The following ARHGAP21 variants were observed in gnomAD, a reference collection of about 807,000 sequenced individuals.
ARHGAP21 encodes the protein Rho GTPase activating protein 21, also known as rho GTPase-activating protein 21.
In ARHGAP21, 38 loss-of-function variants were observed where a neutral mutation model predicts 164.6. The ratio of observed to expected loss-of-function variants is 0.23; its 90% confidence interval spans 0.18 to 0.30. The LOEUF is 0.30. Among genes scored for constraint, ARHGAP21 ranks in the 10% least tolerant of loss-of-function variants. The probability of loss-of-function intolerance (pLI) is 1.00; values close to 1 mark genes in which losing one functional copy is unlikely to be tolerated. For missense variants in ARHGAP21, 1,822 were observed against 2,370.7 expected (o/e 0.77, Z 4.81); for synonymous variants, 766 against 857.9 (o/e 0.89, Z 1.87).
At chr10:24,608,038 C>A in intron 9 of ARHGAP21, 135 bp from the exon 10 acceptor site, 1 of 676,360 alleles carries the variant, frequency 1.5e-6, no homozygotes, top group Non-Finnish European at 2.3e-6. Context: ...ACTAAATGAC[C>A]TATTCAGTCT....
chr10:24,608,054 A>G, intron 9 of ARHGAP21, 151 bp from the exon 10 acceptor site: 1 of 623,832 alleles, frequency 1.6e-6, no homozygotes, highest in Non-Finnish European at 2.5e-6. Context: ...AGTCTGCTAA[A>G]AATTGATTTA....
chr10:24,592,697 C>G (rs569867381), intron 21 of ARHGAP21, among the ~76,000 whole-genome samples: 120 of 149,512 alleles, frequency 8.0e-4, no homozygotes, highest in Admixed American at 1.7e-3. Flanking sequence ...GGGAGGAGGT[C>G]GAGGTTGCAG....
At chr10:24,604,062 TGGG>T (rs1432011231) in intron 12 of ARHGAP21, among the ~76,000 whole-genome samples, 4 of 82,598 alleles carry the variant, frequency 4.8e-5, no homozygotes, top group Non-Finnish European at 9.8e-5. Context: ...TGGGGGGTGT[TGGG>T]GGGAAGCCAC....
chr10:24,589,204 C>T lies in ARHGAP21; in HGVS notation c.4182+67G>A, dbSNP rs1309805629. 5.0e-6 allele frequency: 7 copies of T among 1,394,452 alleles called. No individual in the cohort carries two copies. In the Admixed American group the frequency reaches 1.2e-4, roughly 24 times the overall value. 86.4% of individuals were successfully genotyped at this position (1,394,452 alleles called of 1,614,324 possible). On this transcript the variant is annotated intron_variant, in intron 25 of 25. Coordinates refer to ENST00000396432, the MANE Select transcript of ARHGAP21 (RefSeq NM_020824.4). ...CATAGAGAGGAATGCATTTGTGTATCAACCATAACAATCAGCCGAAAAACA... is the reference window on the plus strand; with the variant it reads ...CATAGAGAGGAATGCATTTGTGTATTAACCATAACAATCAGCCGAAAAACA...
In ARHGAP21 at chr10:24,620,904, G is replaced by A; in HGVS notation, c.991C>T (p.His331Tyr). ...PLSIPTTHLIHQPAGSRSLEP... is the reference protein window; with the variant it reads ...PLSIPTTHLIYQPAGSRSLEP... ...AGTGATCTGGAGCCTGCAGGCTGAT[G>A]AATTAGATGAGTGGTGGGAATTGAT... Residue 331 changes from histidine to tyrosine, a missense_variant, in exon 9 of 26, where the codon CAT becomes TAT. Physicochemically the swap from His to Tyr is moderately conservative, Grantham distance 83. This residue lies in a region of ARHGAP21 where 1,090 missense variants were observed against 1,378.9 expected (regional missense o/e 0.79). Coordinates refer to ENST00000396432, the MANE Select transcript of ARHGAP21 (RefSeq NM_020824.4). 1.2e-6 allele frequency: 2 copies of A among 1,613,916 alleles called. No individual in the cohort carries two copies. Among genetic ancestry groups the A allele is most frequent in the South Asian group, 2.2e-5 (2 of 91,068 alleles).
Position 24,642,133 on chromosome 10 carries a change from T to G in ARHGAP21, c.269-7030A>C, listed in dbSNP as rs182974482. Among the ~76,000 whole-genome samples, 33 of 152,280 alleles carry G rather than the reference T, an allele frequency of 2.2e-4. No individual in the cohort carries two copies. In the East Asian group the frequency reaches 6.0e-3, roughly 28 times the overall value. On this transcript the variant is annotated intron_variant, in intron 4 of 25. Coordinates refer to ENST00000396432, the MANE Select transcript of ARHGAP21 (RefSeq NM_020824.4). ...TTGTTTCATTGAAACCCACCCACTTTAAAACATTTTAATGCAAATCCCAGA... is the reference window on the plus strand; with the variant it reads ...TTGTTTCATTGAAACCCACCCACTTGAAAACATTTTAATGCAAATCCCAGA...
intron 7 of ARHGAP21, 188 bp downstream of exon 7, chr10:24,629,808 T>G: frequency 1.5e-6 from 1 of 655,756 alleles, no homozygotes; most frequent in Non-Finnish European, 2.9e-6. Flanking sequence ...TCCATGTCAC[T>G]TAATTGCAAA....
At chr10:24,721,787 A>G in intron 2 of ARHGAP21, 50 bp downstream of exon 2, 2 of 1,605,958 alleles carry the variant, frequency 1.2e-6, no homozygotes, top group Non-Finnish European at 1.7e-6. Flanking sequence ...CAGGACGCTC[A>G]AGACACAGGC....
chr10:24,615,699 G>A (rs1833871771), intron 9 of ARHGAP21, among the ~76,000 whole-genome samples: 1 of 152,114 alleles, frequency 6.6e-6, no homozygotes, highest in Admixed American at 6.6e-5. Context: ...TCCCCACTGG[G>A]TTATGGTAAG....
In ARHGAP21 at chr10:24,585,295, C is replaced by T. The variant is rs1001456949; in HGVS notation, c.4994G>A (p.Ser1665Asn). 9.3e-6 allele frequency: 15 copies of T among 1,609,866 alleles called. No homozygotes were observed. The African/African-American group carries it at 1.6e-4, about 17-fold the overall frequency. Reference protein sequence around the residue: ...RGKLQEVTKSSRRNSEGSELS... With the variant: ...RGKLQEVTKSNRRNSEGSELS... ...TTCACTTCCTTCAGAATTTCTCCGG[C>T]TGCTCTTAGTCACTTCTTGCAGTTT... Residue 1665 changes from serine to asparagine, a missense_variant, in exon 26 of 26, where the codon AGC (serine) becomes AAC (asparagine). This residue lies in a region of ARHGAP21 where 117 missense variants were observed against 193.2 expected (regional missense o/e 0.61). Transcript: ENST00000396432.
At chr10:24,596,392 G>A (rs976446181) in intron 17 of ARHGAP21, 2 of 456,226 alleles carry the variant, frequency 4.4e-6, no homozygotes, top group African/African-American at 4.1e-5. Flanking sequence ...CCTAGCATGG[G>A]TGTTTTAAAT....
At chr10:24,708,228 C>T (rs1188741969) in intron 2 of ARHGAP21, among the ~76,000 whole-genome samples, 1 of 152,124 alleles carries the variant, frequency 6.6e-6, no homozygotes, top group Admixed American at 6.6e-5. Context: ...CGGCCTCTGT[C>T]CGTCCCTTAA....
chr10:24,646,909 G>C (rs1184099633), intron 4 of ARHGAP21, among the ~76,000 whole-genome samples: 1 of 152,004 alleles, frequency 6.6e-6, no homozygotes, highest in Non-Finnish European at 1.5e-5. Context: ...CCTAATTACA[G>C]AGTTACCTCT....
At chr10:24,635,775 G>A (rs1225367090) in intron 4 of ARHGAP21, among the ~76,000 whole-genome samples, 1 of 152,128 alleles carries the variant, frequency 6.6e-6, no homozygotes, top group Admixed American at 6.5e-5. Flanking sequence ...TCGAACTCCT[G>A]ACCCCGTGAT....
At chr10:24,700,702 T>C (rs1446666706) in intron 2 of ARHGAP21, among the ~76,000 whole-genome samples, 4 of 152,230 alleles carry the variant, frequency 2.6e-5, no homozygotes, top group Non-Finnish European at 5.9e-5. Context: ...GGTAACACCA[T>C]AATACTTTGC....
chr10:24,611,290 CTCT>C (rs1387480706), intron 9 of ARHGAP21, among the ~76,000 whole-genome samples: 1 of 152,230 alleles, frequency 6.6e-6, no homozygotes. Flanking sequence ...TATGGACTTT[CTCT>C]TCTTATCCTT....
rs2077081494 is a variant in ARHGAP21 at position 24,607,569 on chromosome 10, G to A, written c.2614C>T (p.Pro872Ser). Residue 872 changes from proline to serine, a missense_variant, in exon 11 of 26, where the codon CCC (proline) becomes TCC (serine). Pro to Ser is a moderately conservative substitution (Grantham distance 74). Around this residue, in one of 5 missense-constraint regions of ARHGAP21, gnomAD observed 1,090 missense variants for 1,378.9 expected, o/e 0.79. Transcript: ENST00000396432. ...TTTGATCTTTCTGTCTTTGAGTTGG[G>A]CTGAGCATCCAGGCTAGGAGGGCCA... ...SVGPPSLDAQ[P>S]NSKTERSKSY... is the part of the protein sequence containing the mutation. 1 of 1,613,920 alleles carries A rather than the reference G, an allele frequency of 6.2e-7. No individual in the cohort carries two copies. The highest frequency in any genetic ancestry group is 8.5e-7 in the Non-Finnish European group (1 of 1,180,004).
chr10:24,608,271 G>C (rs1326462141), intron 9 of ARHGAP21, among the ~76,000 whole-genome samples: 1 of 152,074 alleles, frequency 6.6e-6, no homozygotes, highest in Admixed American at 6.6e-5. Flanking sequence ...ATGTACCACA[G>C]ATTATCACTT....
intron 2 of ARHGAP21, among the ~76,000 whole-genome samples, chr10:24,686,224 A>G (rs1203186073): frequency 6.6e-6 from 1 of 152,046 alleles, no homozygotes; most frequent in African/African-American, 2.4e-5. Context: ...TGAGCCCAGG[A>G]GTTGAAACCA....
Sources: allele counts gnomAD v4.1 joint callset (sites outside exome capture counted in the v4.1 genomes callset), GRCh38; gene constraint gnomAD v4.1.1; regional missense constraint gnomAD v4.1.1; transcripts MANE v1.5; gene names NCBI Gene and HGNC (gene_info 2026-07-23, HGNC 2026-07-21).